THUMPD2: variants seen among roughly 807,000 people sequenced by gnomAD.
The protein encoded by THUMPD2 is THUMP domain 2 tRNA and snRNA guanosine methyltransferase, also known as U6 snRNA (guanine-N(2))-methyltransferase THUMPD2.
Under a neutral mutation model 49.4 loss-of-function variants are expected in THUMPD2, and 56 were observed. That is an observed-to-expected ratio of 1.13 (90% CI 0.91 to 1.41). The LOEUF (loss-of-function observed/expected upper bound fraction) is 1.41, where lower values mean the gene tolerates loss of function less well. Ranked by LOEUF, THUMPD2 falls within the 40% of genes most tolerant of loss-of-function variation. THUMPD2 has a pLI of 0.00. For synonymous variants in THUMPD2, 237 were observed against 205.2 expected (o/e 1.15, Z -1.32); for missense variants, 709 against 594.5 (o/e 1.19, Z -2.00).
At chr2:39,743,549 T>C (rs187261401) in intron 9 of THUMPD2, among the ~76,000 whole-genome samples, 9 of 152,340 alleles carry the variant, frequency 5.9e-5, no homozygotes, top group Admixed American at 5.2e-4. Flanking sequence ...TGTGGGTAGA[T>C]ATCTCATGAA....
At chr2:39,741,493 G>A (rs140495393) in intron 9 of THUMPD2, among the ~76,000 whole-genome samples, 376 of 152,256 alleles carry the variant, frequency 2.5e-3, no homozygotes, top group Non-Finnish European at 4.0e-3. Context: ...GGCACACAAT[G>A]CCTTCTTCCT....
chr2:39,768,710 C>G, intron 3 of THUMPD2: 1 of 668,934 alleles, frequency 1.5e-6, no homozygotes, highest in Non-Finnish European at 2.5e-6. Context: ...CAGTACACCC[C>G]ATGGCATTAA....
In THUMPD2 at chr2:39,758,645, C is replaced by T. The variant is rs775112406; in HGVS notation, c.892-2685G>A. Among the ~76,000 whole-genome samples the T allele has an allele frequency of 4.7e-4, 71 of 152,190 alleles. 1 individual carries two copies. The highest frequency in any genetic ancestry group is 1.5e-3 in the Admixed American group (23 of 15,280). On this transcript the variant is annotated intron_variant, in intron 6 of 9. Coordinates refer to ENST00000505747, the MANE Select transcript of THUMPD2 (RefSeq NM_025264.5). ...GCAGGACTGACAGATTCTCTTTACA[C>T]TGCTGAGCCTGGGGTGCCAGAGATC...
chr2:39,761,516 T>C, intron 5 of THUMPD2, 98 bp from the exon 6 acceptor site: 1 of 1,112,394 alleles, frequency 9.0e-7, no homozygotes, highest in Non-Finnish European at 1.3e-6. Flanking sequence ...TTAAACATAT[T>C]CATCCAACAT....
At chr2:39,750,993 C>T (rs921263154) in intron 8 of THUMPD2, among the ~76,000 whole-genome samples, 4 of 152,176 alleles carry the variant, frequency 2.6e-5, no homozygotes, top group African/African-American at 9.7e-5. Flanking sequence ...AGGACTTATA[C>T]CATAAAATAA....
At chr2:39,744,026 AAC>A (rs1042387063) in intron 9 of THUMPD2, among the ~76,000 whole-genome samples, 2 of 144,658 alleles carry the variant, frequency 1.4e-5, no homozygotes, top group African/African-American at 5.2e-5. Context: ...GTGGGGGATT[AAC>A]ACAGAGAAGG....
intron 8 of THUMPD2, among the ~76,000 whole-genome samples, chr2:39,747,828 A>C (rs1674813934): frequency 6.6e-6 from 1 of 152,118 alleles, no homozygotes; most frequent in Admixed American, 6.5e-5. Context: ...TGTTTACAAA[A>C]CTCAAATTAT....
chr2:39,745,739 CTATAT>C (rs776570194), intron 8 of THUMPD2, among the ~76,000 whole-genome samples: 139 of 152,160 alleles, frequency 9.1e-4, no homozygotes, highest in Admixed American at 1.6e-3. Flanking sequence ...CTTTGCTGCT[CTATAT>C]TATATAATAT....
At chr2:39,742,435 G>A (rs531211622) in intron 9 of THUMPD2, among the ~76,000 whole-genome samples, 1 of 152,114 alleles carries the variant, frequency 6.6e-6, no homozygotes, top group South Asian at 2.1e-4. Flanking sequence ...TCAATCACCT[G>A]GAATAAAAAC....
intron 1 of THUMPD2, among the ~76,000 whole-genome samples, chr2:39,774,192 CTGG>C (rs1218536229): frequency 6.6e-6 from 1 of 152,364 alleles, no homozygotes; most frequent in East Asian, 1.9e-4. Flanking sequence ...AAGATAGGAT[CTGG>C]CCAGTGAAAA....
chr2:39,769,006 C>A (rs546279834), intron 3 of THUMPD2: 185 of 1,304,678 alleles, frequency 1.4e-4, no homozygotes, highest in Non-Finnish European at 1.8e-4. Context: ...GTGATGGCAA[C>A]AGTTTGTGGT....
chr2:39,755,011 C>T (rs182322178), intron 8 of THUMPD2, among the ~76,000 whole-genome samples: 14 of 150,980 alleles, frequency 9.3e-5, no homozygotes, highest in East Asian at 5.9e-4. Context: ...GGTTCTGATA[C>T]GAGAAATGGT....
intron 1 of THUMPD2, among the ~76,000 whole-genome samples, chr2:39,772,143 TG>T (rs1159814353): frequency 3.3e-5 from 5 of 152,202 alleles, no homozygotes; most frequent in African/African-American, 1.2e-4. Flanking sequence ...GAAAGAATCC[TG>T]TAAGATTTGA....
At chr2:39,777,468 CT>C (rs1380566910) in intron 1 of THUMPD2, among the ~76,000 whole-genome samples, 1 of 152,232 alleles carries the variant, frequency 6.6e-6, no homozygotes, top group Admixed American at 6.5e-5. Flanking sequence ...CCAATTTTCT[CT>C]TTTTTTGGTA....
At chr2:39,773,973 C>A (rs768007629) in intron 1 of THUMPD2, among the ~76,000 whole-genome samples, 1 of 152,192 alleles carries the variant, frequency 6.6e-6, no homozygotes, top group Non-Finnish European at 1.5e-5. Flanking sequence ...AATACCAATT[C>A]CCAGCCAGGG....
At position 39,768,472 on chromosome 2, in the gene THUMPD2, A is replaced by G. The variant is rs767431734; in HGVS notation, c.702T>C (p.Ile234=). 8.7e-6 allele frequency: 14 copies of G among 1,612,984 alleles called. No homozygotes were observed. In the Admixed American group the frequency reaches 2.3e-4, roughly 27 times the overall value. Residue 234 remains isoleucine (I), a synonymous_variant, in exon 4 of 10, where the codon ATT becomes ATC. Transcript: ENST00000505747. ...QEVGKVIGIA[I]MKHFGWKADL... is the part of the protein sequence containing the mutation. ...CTGCTTTCCATCCAAAGTGTTTCAT[A>G]ATAGCAATTCCAATTACTTTTCCTA...
In THUMPD2 at chr2:39,737,016, C is replaced by G. The variant is rs1438275848; in HGVS notation, c.1231G>C (p.Asp411His). 6.2e-7 allele frequency: 1 copy of G among 1,613,582 alleles called. No individual in the cohort carries two copies. Among genetic ancestry groups the G allele is most frequent in the Non-Finnish European group, 8.5e-7 (1 of 1,179,806 alleles). The change falls in exon 10 of 10, where the codon GAT becomes CAT. Residue 411 changes from aspartate (D) to histidine (H), a missense_variant. By Grantham distance (81) the Asp-to-His change is moderately conservative. Transcript: ENST00000505747. Reference protein sequence around the residue: ...GGTIVLLLSEDHHRRLTDCKE... With the variant: ...GGTIVLLLSEHHHRRLTDCKE... ...CAATCTGTAAGGCGCCTGTGGTGAT[C>G]TTCACTAAGCAACAATACAATGGTT...
chr2:39,763,713 A>G (rs756702994), intron 5 of THUMPD2, among the ~76,000 whole-genome samples: 10 of 152,154 alleles, frequency 6.6e-5, no homozygotes, highest in Non-Finnish European at 8.8e-5. Flanking sequence ...TGAAATCACA[A>G]ATCTGATCAC....
chr2:39,769,131 C>T, intron 3 of THUMPD2: 1 of 1,286,126 alleles, frequency 7.8e-7, no homozygotes, highest in South Asian at 1.2e-5. Context: ...CAAAGCTGAA[C>T]TGAAGAGAAA....
Sources: allele counts gnomAD v4.1 joint callset (sites outside exome capture counted in the v4.1 genomes callset), GRCh38; gene constraint gnomAD v4.1.1; transcripts MANE v1.5; gene names NCBI Gene and HGNC (gene_info 2026-07-23, HGNC 2026-07-21).